Variants in MTERF4 observed in about 807,000 individuals in gnomAD.
MTERF4 encodes the protein mitochondrial transcription termination factor 4.
MTERF4 carries 17 observed loss-of-function variants against 22.5 expected under a neutral mutation model. The ratio of observed to expected loss-of-function variants is 0.75; its 90% confidence interval spans 0.52 to 1.13. The LOEUF is 1.13. Ranked by LOEUF, MTERF4 falls within the 50% of genes most tolerant of loss-of-function variation. The pLI, the probability that MTERF4 is intolerant of heterozygous loss-of-function variation, is 0.00. For synonymous variants in MTERF4, 165 were observed against 175.3 expected (o/e 0.94, Z 0.47); for missense variants, 420 against 466.8 (o/e 0.90, Z 0.92).
At chr2:241,098,320 TTCTTA>T (rs2064548778) in intron 2 of MTERF4, among the ~76,000 whole-genome samples, 1 of 152,236 alleles carries the variant, frequency 6.6e-6, no homozygotes, top group Admixed American at 6.5e-5. Context: ...GGCTACCTTT[TTCTTA>T]TCTTCTAGAG....
At chr2:241,052,410 G>A in the MTERF4 span, 1 of 1,604,712 alleles carries the variant, frequency 6.2e-7, no homozygotes, top group East Asian at 2.2e-5. Context: ...GCGAGGACCG[G>A]GACACGGATT....
chr2:241,101,067 G>A (rs933909026), intron 1 of MTERF4: 1 of 433,548 alleles, frequency 2.3e-6, no homozygotes, highest in Non-Finnish European at 5.0e-6. Flanking sequence ...AGACTGGTGA[G>A]GGGTTTCAGG....
At chr2:241,048,833 G>A in the MTERF4 span, 1 of 1,389,598 alleles carries the variant, frequency 7.2e-7, no homozygotes, top group Non-Finnish European at 1.0e-6. Flanking sequence ...ATGAATGGTG[G>A]CTTCGGCCGG....
chr2:241,085,375 C>T (rs978162731), downstream of MTERF4, among the ~76,000 whole-genome samples: 8 of 152,168 alleles, frequency 5.3e-5, no homozygotes, highest in Admixed American at 2.0e-4. Context: ...TACCATTAAT[C>T]CTGTTCAACA....
chr2:241,062,574 A>G, the MTERF4 span, among the ~76,000 whole-genome samples: 90,901 of 151,988 alleles, frequency 0.6, 27,926 homozygotes, highest in East Asian at 0.79. Flanking sequence ...GGGTGGTTTC[A>G]AGCCCGCCCT....
chr2:241,093,805 AAAAAC>A (rs2064204633), downstream of MTERF4: 1 of 152,446 alleles, frequency 6.6e-6, no homozygotes, highest in Non-Finnish European at 1.5e-5. Context: ...GGCTTCTTTT[AAAAAC>A]TCAAATGGCT....
At chr2:241,062,995 G>C in the MTERF4 span, 6 of 798,404 alleles carry the variant, frequency 7.5e-6, no homozygotes, top group Admixed American at 1.7e-4. Flanking sequence ...GTCTCTGTCT[G>C]GATGGCCAGG....
the MTERF4 span, chr2:241,053,262 C>T: frequency 1.1e-5 from 17 of 1,602,526 alleles, no homozygotes; most frequent in South Asian, 5.5e-5. Context: ...ACAGCCTGAG[C>T]GCCCCCAGCC....
the MTERF4 span, chr2:241,051,604 C>G: frequency 1.6e-6 from 1 of 641,424 alleles, no homozygotes; most frequent in East Asian, 2.9e-5. This position sits in a 1 kb window ranked among gnomAD's most constrained non-coding sequence, Gnocchi z 4.7. Flanking sequence ...CTGCTTGGCC[C>G]CTGCTGCAGC....
rs1422591981 is a variant in MTERF4, at chr2:241,097,431, C to T, written c.521-4G>A. ...TAAAGCACCCTCTTTAATTTCCCTGCAGAACATTCAAAAAAGGCAAGCATA... is the reference window on the plus strand; with the variant it reads ...TAAAGCACCCTCTTTAATTTCCCTGTAGAACATTCAAAAAAGGCAAGCATA... On this transcript the variant is annotated splice_region_variant and splice_polypyrimidine_tract_variant and intron_variant, in intron 2 of 3. Transcript: ENST00000391980. The T allele has an allele frequency of 6.2e-7, 1 of 1,605,972 alleles. No individual in the cohort carries two copies. Among genetic ancestry groups the T allele is most frequent in the Non-Finnish European group, 8.5e-7 (1 of 1,175,394 alleles).
At chr2:241,101,251 A>G in intron 1 of MTERF4, 1 of 456,116 alleles carries the variant, frequency 2.2e-6, no homozygotes, top group Non-Finnish European at 4.6e-6. Context: ...GTGACAGATC[A>G]TCGGGCATCA....
the MTERF4 span, among the ~76,000 whole-genome samples, chr2:241,057,735 C>A: frequency 6.6e-6 from 1 of 151,982 alleles, no homozygotes. Flanking sequence ...TTTATTCAGT[C>A]AAATTGTTAT....
At chr2:241,080,558 T>C (rs2063280856) in intron 4 of MTERF4, among the ~76,000 whole-genome samples, 1 of 152,140 alleles carries the variant, frequency 6.6e-6, no homozygotes, top group South Asian at 2.1e-4. Context: ...GCCCAGGACA[T>C]GTTGTGTAAA....
intron 4 of MTERF4, among the ~76,000 whole-genome samples, chr2:241,081,425 TCTTC>T (rs2063323966): frequency 6.6e-6 from 1 of 152,198 alleles, no homozygotes; most frequent in African/African-American, 2.4e-5. Context: ...TTTTTGTTTG[TCTTC>T]CTTCCTTCCA....
At chr2:241,050,426 C>T in the MTERF4 span, among the ~76,000 whole-genome samples, 3 of 152,100 alleles carry the variant, frequency 2.0e-5, no homozygotes, top group African/African-American at 4.8e-5. Context: ...ATCAGTCACC[C>T]CCAGACCTGT....
chr2:241,078,382 C>CAAAAAA (rs60965517), intron 4 of MTERF4, among the ~76,000 whole-genome samples: 2 of 116,176 alleles, frequency 1.7e-5, no homozygotes, highest in African/African-American at 6.8e-5. Context: ...GACTCCGTCT[C>CAAAAAA]AAAAAAAAAA....
In MTERF4 at chr2:241,096,666, G is replaced by C; in HGVS notation, c.706-228C>G. On this transcript the variant is annotated intron_variant, in intron 3 of 3. Transcript: ENST00000391980. The surrounding 1 kb of genome is among the most constrained non-coding windows in gnomAD (Gnocchi z 5.1). ...GAGCAGGAAATAAAGGGGTGGGAGG[G>C]AAAAGGGGCAGGAGGGAGAAGGGGC... 1.5e-6 allele frequency: 1 copy of C among 668,854 alleles called. No individual in the cohort carries two copies. The highest frequency in any genetic ancestry group is 2.8e-6 in the Non-Finnish European group (1 of 356,896). 41.4% of individuals were successfully genotyped at this position (668,854 alleles called of 1,614,324 possible). A position where few individuals can be genotyped will look rare whatever the true frequency, so the allele number is the denominator to read the frequency against.
Position 241,096,506 on chromosome 2 carries a change from T to G in MTERF4, c.706-68A>C. On this transcript the variant is annotated intron_variant, in intron 3 of 3. Transcript: ENST00000391980. The surrounding 1 kb of genome is among the most constrained non-coding windows in gnomAD (Gnocchi z 5.1). Reference sequence around the variant, plus strand: ...TTGAAACCTATCATTCTATAAACCATAAAAACTTAAGTTGTACAAAAGGAT... The same window carrying G: ...TTGAAACCTATCATTCTATAAACCAGAAAAACTTAAGTTGTACAAAAGGAT... The G allele has an allele frequency of 6.4e-7, 1 of 1,554,776 alleles. No individual in the cohort carries two copies.
At chr2:241,056,580 A>AT in the MTERF4 span, among the ~76,000 whole-genome samples, 209 of 111,224 alleles carry the variant, frequency 1.9e-3, 7 homozygotes, top group Admixed American at 2.3e-3. Context: ...AATAAGTGAA[A>AT]TTTTTTTTTT....
Sources: allele counts gnomAD v4.1 joint callset (sites outside exome capture counted in the v4.1 genomes callset), GRCh38; gene constraint gnomAD v4.1.1; non-coding constraint Gnocchi (gnomAD v3.1); transcripts MANE v1.5; gene names NCBI Gene and HGNC (gene_info 2026-07-23, HGNC 2026-07-21).